The following DUSP8 variants were observed in gnomAD, a reference collection of about 807,000 sequenced individuals.
The protein encoded by DUSP8 is dual specificity phosphatase 8.
A neutral mutation model predicts 38.7 loss-of-function variants in DUSP8; 15 were observed. The observed-to-expected ratio is 0.39, with a 90% confidence interval of 0.26 to 0.60. The LOEUF is 0.60. Ranked by LOEUF, DUSP8 falls within the 20% of genes least tolerant of loss-of-function variation. The pLI is 0.56. For synonymous variants in DUSP8, 458 were observed against 433.9 expected (o/e 1.06, Z -0.69); for missense variants, 768 against 915.0 (o/e 0.84, Z 2.07).
Position 1,555,498 on chromosome 11 carries a change from G to T in DUSP8, c.*1020C>A. 1.7e-5 allele frequency: 7 copies of T among 403,822 alleles called. No homozygotes were observed. The highest frequency in any genetic ancestry group is 2.3e-5 in the Non-Finnish European group (7 of 298,828). 25.0% of individuals were successfully genotyped at this position (403,822 alleles called of 1,614,324 possible). ...TGGGGCATGGCTGGGAGGGGGGCGGGGCAGACCTGGAACAGAACCCTAAGA... is the reference window on the plus strand; with the variant it reads ...TGGGGCATGGCTGGGAGGGGGGCGGTGCAGACCTGGAACAGAACCCTAAGA... On this transcript the variant is annotated 3_prime_UTR_variant, in exon 7 of 7. Coordinates refer to ENST00000397374, the MANE Select transcript of DUSP8 (RefSeq NM_004420.3).
At position 1,563,842 on chromosome 11, in the gene DUSP8, T is replaced by G. The variant is rs781640826; in HGVS notation, c.370+9A>C. ...AAGTGCCTCGGGGAGGCGTGGGTCA[T>G]GGACTCACCAGTGAGGATGGCCACG... is the stretch of plus-strand genomic sequence containing the variant. On this transcript the variant is annotated intron_variant, in intron 3 of 6. Coordinates refer to ENST00000397374, the MANE Select transcript of DUSP8 (RefSeq NM_004420.3). The G allele has an allele frequency of 2.0e-6, 3 of 1,498,486 alleles. No individual in the cohort carries two copies. The highest frequency in any genetic ancestry group is 2.8e-5 in the African/African-American group (2 of 71,884). 92.8% of individuals were successfully genotyped at this position (1,498,486 alleles called of 1,614,324 possible).
At position 1,563,942 on chromosome 11, in the gene DUSP8, C is replaced by A; in HGVS notation, c.279G>T (p.Thr93=). ...PQDVVVYDQS[T]RDASVLAADS... is the part of the protein sequence containing the mutation. ...CTGCGGCCAGCACGCTGGCGTCCCG[C>A]GTGCTCTGGTCATAGACCACCACGT... The change falls in exon 3 of 7, where the codon ACG becomes ACT. Residue 93 remains threonine, a synonymous_variant. Coordinates refer to ENST00000397374, the MANE Select transcript of DUSP8 (RefSeq NM_004420.3). 1 of 1,540,982 alleles carries A rather than the reference C, an allele frequency of 6.5e-7. No individual in the cohort carries two copies. The highest frequency in any genetic ancestry group is 8.8e-7 in the Non-Finnish European group (1 of 1,141,080).
At chr11:1,569,357 C>T (rs886714179) in intron 1 of DUSP8, among the ~76,000 whole-genome samples, 5 of 152,152 alleles carry the variant, frequency 3.3e-5, no homozygotes, top group African/African-American at 9.7e-5. Context: ...TCCAGTGCTG[C>T]GTGCACACTG....
chr11:1,571,061 C>A (rs560370237), intron 1 of DUSP8, among the ~76,000 whole-genome samples: 36 of 152,234 alleles, frequency 2.4e-4, no homozygotes, highest in African/African-American at 6.7e-4. Flanking sequence ...CTATTCCCCT[C>A]AGCAGAGGCC....
Position 1,557,330 on chromosome 11 carries a change from C to G in DUSP8, c.1066G>C (p.Gly356Arg), listed in dbSNP as rs1339768156. 6.6e-7 allele frequency: 1 copy of G among 1,513,734 alleles called. No homozygotes were observed. The highest frequency in any genetic ancestry group is 2.2e-5 in the Admixed American group (1 of 44,968). The allele number at this position is 1,513,734 out of a possible 1,614,324, so 93.8% of individuals were successfully genotyped here. ...AAREGGLSAGGEPPAPPTPPA... is the reference protein window; with the variant it reads ...AAREGGLSAGREPPAPPTPPA... ...GGCGTGGGGGGCGCGGGGGGCTCCC[C>G]GCCCGCGCTCAGGCCGCCCTCCCTG... The change falls in exon 7 of 7, where the codon GGG (glycine) becomes CGG (arginine). Residue 356 changes from glycine to arginine, a missense_variant. By Grantham distance (125) the Gly-to-Arg change is moderately radical (BLOSUM62 -2). Around this residue, in one of 3 missense-constraint regions of DUSP8, gnomAD observed 474 missense variants for 430.8 expected, o/e 1.10. Transcript: ENST00000397374. This position sits in a 1 kb window ranked among gnomAD's most constrained non-coding sequence, Gnocchi z 9.9.
rs1213105460 is a variant in DUSP8 at position 1,572,206 on chromosome 11, GGGCGTCC to G, written c.-421_-415del. ...CGGGCTCGGGCTCGGGCTCGGGCTCGGGCGTCCGGCGTCCGGCGGGGCGTCGTGGGGG... is the reference window on the plus strand; with the variant it reads ...CGGGCTCGGGCTCGGGCTCGGGCTCGGGCGTCCGGCGGGGCGTCGTGGGGG... On this transcript the variant is annotated 5_prime_UTR_variant, in exon 1 of 7. Transcript: ENST00000397374. The surrounding 1 kb of genome is among the most constrained non-coding windows in gnomAD (Gnocchi z 4.7). Among the ~76,000 whole-genome samples the G allele has an allele frequency of 4.1e-5, 6 of 145,390 alleles. No individual in the cohort carries two copies. Among genetic ancestry groups the G allele is most frequent in the East Asian group, 2.0e-4 (1 of 4,980 alleles).
rs946743090 is a variant in DUSP8 at position 1,555,264 on chromosome 11, G to C, written c.*1254C>G. The C allele has an allele frequency of 2.0e-6, 2 of 987,870 alleles. No homozygotes were observed. Among genetic ancestry groups the C allele is most frequent in the Non-Finnish European group, 2.4e-6 (2 of 830,162 alleles). 61.2% of individuals were successfully genotyped at this position (987,870 alleles called of 1,614,324 possible). On this transcript the variant is annotated 3_prime_UTR_variant, in exon 7 of 7. Coordinates refer to ENST00000397374, the MANE Select transcript of DUSP8 (RefSeq NM_004420.3). Reference sequence around the variant, plus strand: ...CTAGAGAGAGAGCACCCTGGGAAAGGGGTGAATGGGAGTTTCTCTCCTGAG... The same window carrying C: ...CTAGAGAGAGAGCACCCTGGGAAAGCGGTGAATGGGAGTTTCTCTCCTGAG...
chr11:1,567,135 T>C (rs905387640), intron 1 of DUSP8, among the ~76,000 whole-genome samples: 4 of 152,146 alleles, frequency 2.6e-5, no homozygotes, highest in African/African-American at 9.7e-5. Context: ...CCATCTTCCC[T>C]GTGCCCCCAC....
Position 1,565,769 on chromosome 11 carries a change from G to A in DUSP8, c.58C>T (p.Leu20=), listed in dbSNP as rs753216135. 1 of 1,611,308 alleles carries A rather than the reference G, an allele frequency of 6.2e-7. No homozygotes were observed. ...VMDAKKLASL[L]RGGPGGPLVI... ...AGCGGCCCCCCAGGCCCGCCCCGCA[G>A]CAGGCTGGCCAGCTTCTTGGCATCC... The change falls in exon 2 of 7, where the codon CTG becomes TTG. Residue 20 remains leucine, a synonymous_variant. Coordinates refer to ENST00000397374, the MANE Select transcript of DUSP8 (RefSeq NM_004420.3).
intron 3 of DUSP8, chr11:1,559,365 T>G: frequency 1.4e-5 from 4 of 287,142 alleles, no homozygotes; most frequent in Non-Finnish European, 2.6e-5. Flanking sequence ...TGGCTGGCCA[T>G]CACGGCACGC....
chr11:1,554,858 C>T lies in DUSP8; in HGVS notation c.*1660G>A, dbSNP rs554905333. ...TCTAATCCATAGATTGCAAATACAACGATAGCTTATTTTCTTGGGGGAACA... is the reference window on the plus strand; with the variant it reads ...TCTAATCCATAGATTGCAAATACAATGATAGCTTATTTTCTTGGGGGAACA... On this transcript the variant is annotated 3_prime_UTR_variant, in exon 7 of 7. Coordinates refer to ENST00000397374, the MANE Select transcript of DUSP8 (RefSeq NM_004420.3). The T allele has an allele frequency of 5.6e-5, 45 of 807,836 alleles. No individual in the cohort carries two copies. Among genetic ancestry groups the T allele is most frequent in the Non-Finnish European group, 6.4e-5 (43 of 667,544 alleles). 50.0% of individuals were successfully genotyped at this position (807,836 alleles called of 1,614,324 possible). A position where few individuals can be genotyped will look rare whatever the true frequency, so the allele number is the denominator to read the frequency against.
chr11:1,554,773 T>G lies in DUSP8; in HGVS notation c.*1745A>C. The G allele has an allele frequency of 2.0e-6, 1 of 497,384 alleles. No homozygotes were observed. Among genetic ancestry groups the G allele is most frequent in the Non-Finnish European group, 2.6e-6 (1 of 383,186 alleles). The allele number at this position is 497,384 out of a possible 1,614,324, so 30.8% of individuals were successfully genotyped here. A position where few individuals can be genotyped will look rare whatever the true frequency, so the allele number is the denominator to read the frequency against. On this transcript the variant is annotated 3_prime_UTR_variant, in exon 7 of 7. Coordinates refer to ENST00000397374, the MANE Select transcript of DUSP8 (RefSeq NM_004420.3). ...CCTCAGAAACCCAACGCAACAGACA[T>G]ATGGGAGGCAAATTTACATAATTAA...
In DUSP8 at chr11:1,555,506, T is replaced by C; in HGVS notation, c.*1012A>G. The C allele has an allele frequency of 2.2e-6, 2 of 918,980 alleles. No homozygotes were observed. The highest frequency in any genetic ancestry group is 1.3e-6 in the Non-Finnish European group (1 of 768,802). The allele number at this position is 918,980 out of a possible 1,614,324, so 56.9% of individuals were successfully genotyped here. A position where few individuals can be genotyped will look rare whatever the true frequency, so the allele number is the denominator to read the frequency against. On this transcript the variant is annotated 3_prime_UTR_variant, in exon 7 of 7. Transcript: ENST00000397374. ...GGCTGGGAGGGGGGCGGGGCAGACC[T>C]GGAACAGAACCCTAAGACCACCCCC...
In DUSP8 at chr11:1,572,105, G is replaced by C. The variant is rs1268936125; in HGVS notation, c.-313C>G. ...CTCGGGCCGGGGCGCGCGCACTGCG[G>C]GCGGGCACGCGCGCTCGCGGCGCGC... On this transcript the variant is annotated 5_prime_UTR_variant, in exon 1 of 7. Coordinates refer to ENST00000397374, the MANE Select transcript of DUSP8 (RefSeq NM_004420.3). This position sits in a 1 kb window ranked among gnomAD's most constrained non-coding sequence, Gnocchi z 4.7. Among the ~76,000 whole-genome samples the C allele has an allele frequency of 6.9e-6, 1 of 145,552 alleles. No homozygotes were observed. Among genetic ancestry groups the C allele is most frequent in the African/African-American group, 2.5e-5 (1 of 40,646 alleles).
At position 1,566,316 on chromosome 11, in the gene DUSP8, G is replaced by A. The variant is rs1391006216; in HGVS notation, c.-108-382C>T. On this transcript the variant is annotated intron_variant, in intron 1 of 6. Coordinates refer to ENST00000397374, the MANE Select transcript of DUSP8 (RefSeq NM_004420.3). ...CAGGACCCCCAGCAAGTCGGGGTCT[G>A]GACTGCACCTCACCCTCCCACATGG... 2.6e-5 allele frequency among the ~76,000 whole-genome samples: 4 copies of A among 152,186 alleles called. No homozygotes were observed. The South Asian group carries it at 8.3e-4, about 32-fold the overall frequency.
chr11:1,571,459 C>A (rs1245463743), intron 1 of DUSP8: 2 of 152,222 alleles, frequency 1.3e-5, no homozygotes, highest in Non-Finnish European at 2.9e-5. Flanking sequence ...CCTCCCACGG[C>A]CGAGGCTCCA....
intron 1 of DUSP8, among the ~76,000 whole-genome samples, chr11:1,570,586 C>T (rs1402730385): frequency 6.6e-6 from 1 of 152,002 alleles, no homozygotes. Flanking sequence ...TTCCCAGAAG[C>T]CTCCCCGAGG....
intron 2 of DUSP8, 139 bp from the exon 3 acceptor site, chr11:1,564,128 G>T: frequency 9.2e-7 from 1 of 1,088,700 alleles, no homozygotes; most frequent in Non-Finnish European, 1.2e-6. Context: ...CTGCCTGGAG[G>T]GGAGGGCAGG....
Position 1,572,121 on chromosome 11 carries a change from C to T in DUSP8, c.-329G>A, listed in dbSNP as rs1848912636. 6.9e-6 allele frequency among the ~76,000 whole-genome samples: 1 copy of T among 145,498 alleles called. No homozygotes were observed. The highest frequency in any genetic ancestry group is 6.8e-5 in the Admixed American group (1 of 14,688). On this transcript the variant is annotated 5_prime_UTR_variant, in exon 1 of 7. Coordinates refer to ENST00000397374, the MANE Select transcript of DUSP8 (RefSeq NM_004420.3). The surrounding 1 kb of genome is among the most constrained non-coding windows in gnomAD (Gnocchi z 4.7). The stretch of plus-strand genomic sequence containing the variant: ...CGCACTGCGGGCGGGCACGCGCGCT[C>T]GCGGCGCGCATCCCAGCCCCGCGGC...
Sources: allele counts gnomAD v4.1 joint callset (sites outside exome capture counted in the v4.1 genomes callset), GRCh38; gene constraint gnomAD v4.1.1; regional missense constraint gnomAD v4.1.1; non-coding constraint Gnocchi (gnomAD v3.1); transcripts MANE v1.5; gene names NCBI Gene and HGNC (gene_info 2026-07-23, HGNC 2026-07-21).